Variants in SGCZ observed in about 807,000 individuals in gnomAD.
SGCZ encodes the protein zeta-sarcoglycan.
A neutral mutation model predicts 41.3 loss-of-function variants in SGCZ; 40 were observed. The observed-to-expected ratio is 0.97, with a 90% CI of 0.75 to 1.26. The LOEUF (loss-of-function observed/expected upper bound fraction) is 1.26. SGCZ is among the 50% of genes most tolerant of loss of function. The probability of loss-of-function intolerance (pLI) is 0.00; values close to 1 mark genes in which losing one functional copy is unlikely to be tolerated. For synonymous variants in SGCZ, 206 were observed against 137.5 expected, an observed-to-expected ratio of 1.50 and a Z score of -3.49; for missense variants, 552 against 369.8, an observed-to-expected ratio of 1.49 and a Z score of -4.04.
chr8:14,598,392 G>A (rs917214153), intron 1 of SGCZ, among the ~76,000 whole-genome samples: 12 of 151,268 alleles, frequency 7.9e-5, no homozygotes, highest in East Asian at 3.9e-4. Flanking sequence ...CCTAATTGCC[G>A]GTTCCCTTCT....
chr8:14,544,331 G>A (rs1803559337), intron 2 of SGCZ, among the ~76,000 whole-genome samples: 1 of 152,028 alleles, frequency 6.6e-6, no homozygotes, highest in South Asian at 2.1e-4. Context: ...AAACATGTGT[G>A]TTTGAACAAT....
In SGCZ at chr8:14,088,016, G is replaced by C. The variant is rs935592212; in HGVS notation, c.*2427C>G. On this transcript the variant is annotated 3_prime_UTR_variant, in exon 8 of 8. Coordinates refer to ENST00000382080, the MANE Select transcript of SGCZ (RefSeq NM_139167.4). ...TGTCTATACTTCTCAGAATGCATTT[G>C]AATTAAAAATGTGTCAGTCCCTCAC... Among the ~76,000 whole-genome samples the C allele has an allele frequency of 6.6e-6, 1 of 151,676 alleles. No individual in the cohort carries two copies. The highest frequency in any genetic ancestry group is 2.4e-5 in the African/African-American group (1 of 41,356).
intron 1 of SGCZ, among the ~76,000 whole-genome samples, chr8:14,989,903 C>A (rs1801949294): frequency 6.6e-6 from 1 of 152,146 alleles, no homozygotes; most frequent in Non-Finnish European, 1.5e-5. Context: ...GGTACAGAGA[C>A]AAGTGAACTG....
At chr8:14,626,872 G>T (rs776747907) in intron 1 of SGCZ, among the ~76,000 whole-genome samples, 1 of 152,118 alleles carries the variant, frequency 6.6e-6, no homozygotes, top group Admixed American at 6.6e-5. Context: ...GTGGTACTTT[G>T]TGATGGTAGC....
At chr8:14,142,943 T>A (rs773070212) in intron 5 of SGCZ, among the ~76,000 whole-genome samples, 7 of 151,784 alleles carry the variant, frequency 4.6e-5, no homozygotes, top group Non-Finnish European at 1.0e-4. Context: ...GAAGCCAGTA[T>A]GCTTCCTGTA....
At chr8:14,208,877 G>A (rs2117089636) in intron 4 of SGCZ, among the ~76,000 whole-genome samples, 1 of 152,272 alleles carries the variant, frequency 6.6e-6, no homozygotes, top group South Asian at 2.1e-4. Context: ...GGGTGGGAGA[G>A]TACTCAGTAA....
chr8:14,257,510 TC>T (rs1799509568), intron 3 of SGCZ, among the ~76,000 whole-genome samples: 1 of 152,030 alleles, frequency 6.6e-6, no homozygotes, highest in Non-Finnish European at 1.5e-5. Context: ...TACTTTTAGT[TC>T]TAGGGTACAT....
chr8:14,761,368 C>A (rs1799866497), intron 1 of SGCZ, among the ~76,000 whole-genome samples: 1 of 151,878 alleles, frequency 6.6e-6, no homozygotes, highest in African/African-American at 2.4e-5. Flanking sequence ...ATTTACTAAA[C>A]TCTAGAAAAC....
intron 3 of SGCZ, among the ~76,000 whole-genome samples, chr8:14,263,041 A>G (rs970546538): frequency 2.6e-5 from 4 of 152,196 alleles, no homozygotes; most frequent in South Asian, 2.1e-4. Context: ...TTCCTGAACA[A>G]TAAGATTATT....
intron 1 of SGCZ, among the ~76,000 whole-genome samples, chr8:15,217,060 A>T (rs1801426388): frequency 6.6e-6 from 1 of 152,156 alleles, no homozygotes; most frequent in South Asian, 2.1e-4. Flanking sequence ...TTAAAAAAAA[A>T]AAAATTGTTA....
intron 1 of SGCZ, among the ~76,000 whole-genome samples, chr8:15,035,128 T>C (rs915641832): frequency 3.9e-5 from 6 of 152,080 alleles, no homozygotes; most frequent in African/African-American, 1.4e-4. Context: ...AAACTATTAA[T>C]GATAATAATA....
intron 4 of SGCZ, among the ~76,000 whole-genome samples, chr8:14,231,873 T>C (rs1487269210): frequency 1.3e-5 from 2 of 152,106 alleles, no homozygotes; most frequent in Non-Finnish European, 2.9e-5. Context: ...CTTTTACCCC[T>C]TTATTACCAG....
chr8:14,449,199 C>T (rs1245369944), intron 2 of SGCZ, among the ~76,000 whole-genome samples: 1 of 152,100 alleles, frequency 6.6e-6, no homozygotes, highest in Non-Finnish European at 1.5e-5. Flanking sequence ...GTTTTCTGAC[C>T]ACAACTTAGG....
chr8:15,045,221 G>C (rs1281317889), intron 1 of SGCZ, among the ~76,000 whole-genome samples: 1 of 152,036 alleles, frequency 6.6e-6, no homozygotes, highest in East Asian at 1.9e-4. Context: ...CAATATTTCA[G>C]ATGGACAAAC....
intron 1 of SGCZ, among the ~76,000 whole-genome samples, chr8:14,723,583 AC>A (rs1470596372): frequency 6.6e-6 from 1 of 151,990 alleles, no homozygotes; most frequent in Non-Finnish European, 1.5e-5. Flanking sequence ...AGAGGCTCTG[AC>A]CCCAGCTGAC....
chr8:14,932,206 CAT>C (rs1563372351), intron 1 of SGCZ, among the ~76,000 whole-genome samples: 1 of 151,844 alleles, frequency 6.6e-6, no homozygotes. Context: ...TAAAATTAAA[CAT>C]ATGTTAACAA....
chr8:14,448,495 A>G (rs888525696), intron 2 of SGCZ, among the ~76,000 whole-genome samples: 5 of 152,188 alleles, frequency 3.3e-5, no homozygotes, highest in Admixed American at 6.5e-5. Flanking sequence ...TAAAAATAGG[A>G]TAGTGATATT....
At chr8:14,457,427 G>T (rs1197180191) in intron 2 of SGCZ, among the ~76,000 whole-genome samples, 1 of 152,192 alleles carries the variant, frequency 6.6e-6, no homozygotes, top group East Asian at 1.9e-4. Context: ...AGCAGACCGG[G>T]AAAAGAGGGG....
At chr8:15,153,192 G>A (rs1232777255) in intron 1 of SGCZ, among the ~76,000 whole-genome samples, 1 of 152,180 alleles carries the variant, frequency 6.6e-6, no homozygotes, top group Non-Finnish European at 1.5e-5. Flanking sequence ...ATAACGGGTA[G>A]CTAAAGCCAT....
Sources: gnomAD v4.1 joint callset for allele counts (sites outside exome capture counted in the v4.1 genomes callset) on GRCh38, gnomAD v4.1.1 for gene constraint, MANE v1.5 for transcripts, NCBI Gene and HGNC (gene_info 2026-07-23, HGNC 2026-07-21) for gene names.